PRKG1: variants seen among roughly 807,000 people sequenced by gnomAD.
The protein encoded by PRKG1 is cGMP-dependent protein kinase 1.
In PRKG1, 35 loss-of-function variants were observed where a neutral mutation model predicts 88.1. The observed-to-expected ratio is 0.40, with a 90% confidence interval of 0.30 to 0.53. The LOEUF is 0.53. Among genes scored for constraint, PRKG1 ranks in the 20% least tolerant of loss-of-function variants. PRKG1 has a pLI of 0.59. For synonymous variants in PRKG1, 303 were observed against 292.5 expected, an observed-to-expected ratio of 1.04 and a Z score of -0.37; for missense variants, 540 against 839.8, an observed-to-expected ratio of 0.64 and a Z score of 4.41.
intron 3 of PRKG1, among the ~76,000 whole-genome samples, chr10:51,597,149 A>C (rs1485462213): frequency 1.3e-5 from 2 of 151,796 alleles, no homozygotes; most frequent in Non-Finnish European, 2.9e-5. Context: ...TTGGCTAGAA[A>C]ACTAAACTAA....
At chr10:52,213,694 G>A (rs770679764) in intron 9 of PRKG1, among the ~76,000 whole-genome samples, 12 of 152,194 alleles carry the variant, frequency 7.9e-5, no homozygotes, top group Non-Finnish European at 1.3e-4. Flanking sequence ...GATGGAGCAG[G>A]ACTCTGACTC....
chr10:51,879,944 G>C lies in PRKG1; in HGVS notation c.699-27563G>C, dbSNP rs571227992. Among the ~76,000 whole-genome samples the C allele has an allele frequency of 9.2e-5, 14 of 152,348 alleles. No homozygotes were observed. In the East Asian group the frequency reaches 1.5e-3, roughly 17 times the overall value. The stretch of plus-strand genomic sequence containing the variant: ...GCCACTATGTAAAGAACCTCAGGCT[G>C]TGGCCTGTGCAATTCTAGCAAGCAT... On this transcript the variant is annotated intron_variant, in intron 4 of 17. Transcript: ENST00000373980.
chr10:52,131,537 C>T (rs184726999), intron 7 of PRKG1, among the ~76,000 whole-genome samples: 48 of 151,786 alleles, frequency 3.2e-4, no homozygotes, highest in Non-Finnish European at 5.3e-4. Flanking sequence ...GGCAGGAGGG[C>T]GATGATGTGT....
chr10:51,868,537 C>G (rs1841076146), intron 4 of PRKG1, among the ~76,000 whole-genome samples: 1 of 151,752 alleles, frequency 6.6e-6, no homozygotes. Flanking sequence ...AATATTCAGC[C>G]TTGGCATTTT....
At chr10:51,853,302 T>C (rs1463627860) in intron 4 of PRKG1, among the ~76,000 whole-genome samples, 1 of 152,196 alleles carries the variant, frequency 6.6e-6, no homozygotes, top group Non-Finnish European at 1.5e-5. Context: ...AAATATTCTT[T>C]GTGTGCCTAA....
intron 5 of PRKG1, among the ~76,000 whole-genome samples, chr10:51,997,996 G>C (rs1844495316): frequency 6.6e-6 from 1 of 152,024 alleles, no homozygotes; most frequent in Admixed American, 6.6e-5. Context: ...AGCTTTCAAT[G>C]TTTGACCATA....
chr10:52,261,728 G>C (rs1327375147), intron 10 of PRKG1, among the ~76,000 whole-genome samples: 2 of 152,056 alleles, frequency 1.3e-5, no homozygotes, highest in Non-Finnish European at 1.5e-5. Context: ...ATCATATGAT[G>C]TTATTGTGCA....
At chr10:51,061,923 A>G (rs1194898897) in intron 1 of PRKG1, among the ~76,000 whole-genome samples, 1 of 152,206 alleles carries the variant, frequency 6.6e-6, no homozygotes, top group Non-Finnish European at 1.5e-5. Context: ...CAATATCACA[A>G]TCTCCCATGG....
At chr10:51,879,062 G>A (rs1428932078) in intron 4 of PRKG1, among the ~76,000 whole-genome samples, 1 of 152,116 alleles carries the variant, frequency 6.6e-6, no homozygotes, top group Non-Finnish European at 1.5e-5. Context: ...AATATTTCAA[G>A]CTGACATCAA....
intron 5 of PRKG1, among the ~76,000 whole-genome samples, chr10:51,918,111 A>G (rs1842383043): frequency 1.3e-5 from 2 of 152,194 alleles, no homozygotes; most frequent in South Asian, 4.1e-4. Context: ...TATTATTCCT[A>G]GTCCCAATGT....
intron 3 of PRKG1, among the ~76,000 whole-genome samples, chr10:51,754,673 T>C (rs1441659559): frequency 6.6e-6 from 1 of 152,240 alleles, no homozygotes; most frequent in Non-Finnish European, 1.5e-5. Context: ...ATTAACATGC[T>C]GTCTTGCAGA....
intron 8 of PRKG1, among the ~76,000 whole-genome samples, chr10:52,156,597 A>C (rs1320870277): frequency 6.6e-6 from 1 of 151,718 alleles, no homozygotes; most frequent in Non-Finnish European, 1.5e-5. Flanking sequence ...TTTGGGGGTA[A>C]TTTTTTCTCC....
At chr10:51,495,333 G>A (rs1840822100) in intron 3 of PRKG1, among the ~76,000 whole-genome samples, 3 of 152,158 alleles carry the variant, frequency 2.0e-5, no homozygotes, top group African/African-American at 4.8e-5. Context: ...GACCTCAAGT[G>A]GTCTGCCCGC....
intron 7 of PRKG1, among the ~76,000 whole-genome samples, chr10:52,119,939 G>A (rs1005656488): frequency 1.6e-5 from 2 of 122,024 alleles, no homozygotes; most frequent in Non-Finnish European, 3.9e-5. Context: ...GCGAGACAGA[G>A]AGACAGAGAT....
intron 8 of PRKG1, among the ~76,000 whole-genome samples, chr10:52,153,011 A>C (rs1837980491): frequency 6.6e-6 from 1 of 152,314 alleles, no homozygotes; most frequent in Non-Finnish European, 1.5e-5. Flanking sequence ...AGAACTCTGC[A>C]ATATGCTCTG....
At chr10:51,672,041 T>C (rs1318516663) in intron 3 of PRKG1, among the ~76,000 whole-genome samples, 1 of 152,202 alleles carries the variant, frequency 6.6e-6, no homozygotes, top group Non-Finnish European at 1.5e-5. Context: ...TTGTAAACTA[T>C]CTATTTATCT....
intron 2 of PRKG1, among the ~76,000 whole-genome samples, chr10:51,175,211 T>C (rs1837158829): frequency 6.6e-6 from 1 of 151,936 alleles, no homozygotes; most frequent in Non-Finnish European, 1.5e-5. Flanking sequence ...GTTATTATAA[T>C]GTACATTATT....
chr10:51,849,943 T>A (rs965527865), intron 4 of PRKG1, among the ~76,000 whole-genome samples: 2 of 152,128 alleles, frequency 1.3e-5, no homozygotes, highest in Non-Finnish European at 2.9e-5. Flanking sequence ...TCAAGGTAGA[T>A]GTTTTAATAA....
intron 1 of PRKG1, among the ~76,000 whole-genome samples, chr10:51,076,026 C>G (rs188673144): frequency 1.3e-5 from 2 of 152,298 alleles, no homozygotes; most frequent in East Asian, 3.9e-4. Flanking sequence ...CAAGGTCCAT[C>G]GAAACCCTTC....
Sources: gnomAD v4.1 joint callset for allele counts (sites outside exome capture counted in the v4.1 genomes callset) on GRCh38, gnomAD v4.1.1 for gene constraint, MANE v1.5 for transcripts, NCBI Gene and HGNC (gene_info 2026-07-23, HGNC 2026-07-21) for gene names.